Variants in RARB observed in about 807,000 individuals in gnomAD.
The protein encoded by RARB is HBV-activated protein.
Under a neutral mutation model 51.9 loss-of-function variants are expected in RARB, and 17 were observed. The ratio of observed to expected loss-of-function variants is 0.33; its 90% CI spans 0.22 to 0.49. The LOEUF is 0.49. RARB is among the 20% of genes least tolerant of loss of function. The pLI is 0.99. For missense variants in RARB, 369 were observed against 550.8 expected (o/e 0.67, Z 3.30); for synonymous variants, 215 against 195.4 (o/e 1.10, Z -0.84).
In RARB at chr3:25,392,974, A is replaced by G. The variant is rs192921381; in HGVS notation, c.179-68219A>G. Among the ~76,000 whole-genome samples, 503 of 152,210 alleles carry G rather than the reference A, an allele frequency of 3.3e-3. 4 individuals are homozygous for G. Among genetic ancestry groups the G allele is most frequent in the Admixed American group, 5.8e-3 (88 of 15,276 alleles). ...GCATCCTTGTCTTCTTCCAGTTCTC[A>G]AGTGGAATGACTTCAGATTTTCCCC... On this transcript the variant is annotated intron_variant, in intron 5 of 11. Transcript: ENST00000383772.
intron 1 of RARB, among the ~76,000 whole-genome samples, chr3:25,460,872 AG>A (rs1403892693): frequency 6.6e-6 from 1 of 152,176 alleles, no homozygotes; most frequent in Non-Finnish European, 1.5e-5. Context: ...TGCTGGTCTT[AG>A]TTAGACAAGT....
intron 2 of RARB, among the ~76,000 whole-genome samples, chr3:24,873,608 G>A (rs1702987303): frequency 6.7e-6 from 1 of 149,238 alleles, no homozygotes; most frequent in South Asian, 2.1e-4. Flanking sequence ...TTTTTATTTA[G>A]TACTTTTTTA....
At chr3:24,841,451 A>T (rs1702420524) in intron 1 of RARB, among the ~76,000 whole-genome samples, 1 of 152,208 alleles carries the variant, frequency 6.6e-6, no homozygotes, top group African/African-American at 2.4e-5. Flanking sequence ...TCAATTTAGG[A>T]TATTACAGAC....
intron 3 of RARB, among the ~76,000 whole-genome samples, chr3:25,105,261 A>G (rs1481436944): frequency 1.3e-5 from 2 of 151,990 alleles, no homozygotes; most frequent in Non-Finnish European, 2.9e-5. Context: ...CCCCTACCTA[A>G]TGAGCTTTAG....
At chr3:25,165,374 GGT>G (rs1446047895) in intron 4 of RARB, among the ~76,000 whole-genome samples, 1 of 151,708 alleles carries the variant, frequency 6.6e-6, no homozygotes, top group Non-Finnish European at 1.5e-5. Flanking sequence ...TGTCTTTCTA[GGT>G]GTCTTAGGCA....
intron 2 of RARB, among the ~76,000 whole-genome samples, chr3:24,963,672 C>T (rs931182133): frequency 1.6e-4 from 25 of 151,920 alleles, no homozygotes; most frequent in African/African-American, 6.0e-4. Flanking sequence ...TTCCTAAGCA[C>T]TAAGTGGAGA....
chr3:25,068,641 A>G (rs1254454922), intron 3 of RARB, among the ~76,000 whole-genome samples: 4 of 152,124 alleles, frequency 2.6e-5, no homozygotes, highest in African/African-American at 9.7e-5. Flanking sequence ...ATCCTTAGGT[A>G]CCCATTAACT....
At chr3:25,256,495 A>AAG (rs144181248) in intron 5 of RARB, among the ~76,000 whole-genome samples, 1,858 of 152,292 alleles carry the variant, frequency 0.012, 33 homozygotes, top group African/African-American at 0.043. Flanking sequence ...AAATTGATTG[A>AAG]AGAGAGAGAT....
chr3:25,456,718 G>GAC (rs1694939818), intron 1 of RARB, among the ~76,000 whole-genome samples: 1 of 124,320 alleles, frequency 8.0e-6, no homozygotes. Flanking sequence ...GAGAGAGAGA[G>GAC]TCAAATACTT....
upstream of RARB, among the ~76,000 whole-genome samples, chr3:25,427,895 G>C (rs1046062629): frequency 2.0e-5 from 3 of 152,158 alleles, no homozygotes; most frequent in Non-Finnish European, 4.4e-5. Flanking sequence ...GTGGGCGGGA[G>C]GCGAGCGGGC....
intron 5 of RARB, among the ~76,000 whole-genome samples, chr3:25,252,094 C>A (rs1417840917): frequency 6.6e-6 from 1 of 152,098 alleles, no homozygotes; most frequent in Non-Finnish European, 1.5e-5. Context: ...GTTGTCCCAG[C>A]ACCATTTGTT....
intron 1 of RARB, chr3:25,441,353 C>A: frequency 3.0e-6 from 1 of 329,278 alleles, no homozygotes; most frequent in South Asian, 3.0e-5. Flanking sequence ...GTTTGCGAAT[C>A]AGTTCACTGG....
At chr3:25,375,237 G>A (rs1415263786) in intron 5 of RARB, among the ~76,000 whole-genome samples, 2 of 152,160 alleles carry the variant, frequency 1.3e-5, no homozygotes, top group African/African-American at 2.4e-5. Context: ...CCTATGCATA[G>A]CAGGTGAGCC....
intron 2 of RARB, among the ~76,000 whole-genome samples, chr3:24,910,729 T>G (rs1694974218): frequency 6.6e-6 from 1 of 151,938 alleles, no homozygotes; most frequent in African/African-American, 2.4e-5. Flanking sequence ...CCCTGGGGAG[T>G]CTTCATTATA....
intron 2 of RARB, among the ~76,000 whole-genome samples, chr3:24,924,340 A>C (rs921086877): frequency 6.6e-6 from 1 of 152,150 alleles, no homozygotes; most frequent in African/African-American, 2.4e-5. Context: ...CTAGAATGGG[A>C]CAGTCAAATA....
chr3:25,189,412 C>T (rs1041477750), intron 5 of RARB, among the ~76,000 whole-genome samples: 1 of 152,114 alleles, frequency 6.6e-6, no homozygotes, highest in Non-Finnish European at 1.5e-5. Context: ...GTAATACTCC[C>T]TTGACAAGGA....
At position 24,985,734 on chromosome 3, in the gene RARB, C is replaced by T. The variant is rs544856032; in HGVS notation, c.-379-74391C>T. Among the ~76,000 whole-genome samples, 30 of 152,296 alleles carry T rather than the reference C, an allele frequency of 2.0e-4. No homozygotes were observed. In the South Asian group the frequency reaches 5.8e-3, roughly 29 times the overall value. The stretch of plus-strand genomic sequence containing the variant: ...TTCCATTTTATGAGCCATGCCTTCT[C>T]CAGAACAGTCCCACTCTTTTGTACT... On this transcript the variant is annotated intron_variant, in intron 2 of 11. Coordinates refer to the RARB transcript ENST00000383772.
At chr3:25,475,294 C>A (rs1354030101) in intron 2 of RARB, among the ~76,000 whole-genome samples, 7 of 152,066 alleles carry the variant, frequency 4.6e-5, no homozygotes, top group African/African-American at 1.7e-4. Flanking sequence ...ACTACGTACA[C>A]TATCAGAAAT....
chr3:25,429,016 G>A lies in RARB; in HGVS notation c.157+128G>A, dbSNP rs140130284. The A allele has an allele frequency of 1.4e-3, 1,671 of 1,195,336 alleles. 17 individuals are homozygous for A. In the African/African-American group the frequency reaches 0.022, roughly 16 times the overall value. 74.0% of individuals were successfully genotyped at this position (1,195,336 alleles called of 1,614,324 possible). A position where few individuals can be genotyped will look rare whatever the true frequency, so the allele number is the denominator to read the frequency against. On this transcript the variant is annotated intron_variant, in intron 1 of 7. Coordinates refer to ENST00000330688, the MANE Select transcript of RARB (RefSeq NM_000965.5). ...GATTTAATGATTTAATGCTGAAGGG[G>A]TGTGATATGCTGGCATGCATATTGA...
Sources: allele counts gnomAD v4.1 joint callset (sites outside exome capture counted in the v4.1 genomes callset), GRCh38; gene constraint gnomAD v4.1.1; transcripts MANE v1.5; gene names NCBI Gene and HGNC (gene_info 2026-07-23, HGNC 2026-07-21).